Variants in USH1C observed in about 807,000 individuals in gnomAD.
USH1C encodes USH1 protein network component harmonin.
A neutral mutation model predicts 119.3 loss-of-function variants in USH1C; 90 were observed. That is an observed-to-expected ratio of 0.75 (90% CI 0.64 to 0.90). The LOEUF is 0.90. Among genes scored for constraint, USH1C ranks in the 40% least tolerant of loss-of-function variants. The pLI, the probability that USH1C is intolerant of heterozygous loss-of-function variation, is 0.00. For synonymous variants in USH1C, 465 were observed against 443.3 expected, an observed-to-expected ratio of 1.05 and a Z score of -0.62; for missense variants, 1,165 against 1,167.7, an observed-to-expected ratio of 1.00 and a Z score of 0.03.
chr11:17,505,558 T>C (rs1476767923), intron 19 of USH1C, among the ~76,000 whole-genome samples: 1 of 152,242 alleles, frequency 6.6e-6, no homozygotes, highest in African/African-American at 2.4e-5. Context: ...TGGTATATAG[T>C]AGGCTCTTCA....
chr11:17,535,027 C>G (rs893278643), intron 1 of USH1C, among the ~76,000 whole-genome samples: 1 of 152,184 alleles, frequency 6.6e-6, no homozygotes, highest in African/African-American at 2.4e-5. Context: ...CTCTCACCCC[C>G]TCTGCTCAGG....
At chr11:17,530,803 C>T (rs1233684866) in intron 4 of USH1C, among the ~76,000 whole-genome samples, 4 of 152,198 alleles carry the variant, frequency 2.6e-5, no homozygotes, top group African/African-American at 9.6e-5. Flanking sequence ...CTTTCTTTCC[C>T]CCTGCTGGTA....
chr11:17,510,350 G>A (rs1849832481), intron 17 of USH1C, 55 bp downstream of exon 17: 1 of 1,446,474 alleles, frequency 6.9e-7, no homozygotes, highest in Non-Finnish European at 9.7e-7. Context: ...TGTCCCCACA[G>A]TGGGTCATTC....
chr11:17,503,618 C>T (rs978928949), intron 20 of USH1C, among the ~76,000 whole-genome samples: 4 of 152,310 alleles, frequency 2.6e-5, no homozygotes, highest in African/African-American at 4.8e-5. Context: ...TGCCCTAAAC[C>T]GCCAGGTCCT....
chr11:17,522,679 G>A lies in USH1C; in HGVS notation c.1019+105C>T. 8 of 1,546,336 alleles carry A rather than the reference G, an allele frequency of 5.2e-6. No homozygotes were observed. The South Asian group carries it at 8.9e-5, about 17-fold the overall frequency. On this transcript the variant is annotated intron_variant, in intron 12 of 26. Coordinates refer to ENST00000005226, the MANE Select transcript of USH1C (RefSeq NM_153676.4). Reference sequence around the variant, plus strand: ...TGGTCTGAGGACTGGCCTCCAGGGAGGAGGAGGAAGTTGGCTGGGGACACA... The same window carrying A: ...TGGTCTGAGGACTGGCCTCCAGGGAAGAGGAGGAAGTTGGCTGGGGACACA...
intron 4 of USH1C, among the ~76,000 whole-genome samples, chr11:17,529,732 G>A (rs556944338): frequency 7.2e-5 from 11 of 152,336 alleles, no homozygotes; most frequent in South Asian, 2.1e-4. Flanking sequence ...GGGCCACGAT[G>A]ATATAACGAT....
chr11:17,496,210 G>A (rs1200802804), intron 25 of USH1C, among the ~76,000 whole-genome samples: 1 of 151,914 alleles, frequency 6.6e-6, no homozygotes, highest in Non-Finnish European at 1.5e-5. Context: ...GGGAGGAGGA[G>A]AGAAGACAGA....
At position 17,526,735 on chromosome 11, in the gene USH1C, A is replaced by G; in HGVS notation, c.579+18T>C. On this transcript the variant is annotated intron_variant, in intron 7 of 26. Coordinates refer to ENST00000005226, the MANE Select transcript of USH1C (RefSeq NM_153676.4). ...GATGACCCCACCCAAACCCCATCAC[A>G]GGAGGTCTGGCCCTTACCCCAGATT... is the stretch of plus-strand genomic sequence containing the variant. The G allele has an allele frequency of 6.2e-7, 1 of 1,613,480 alleles. No homozygotes were observed. The highest frequency in any genetic ancestry group is 8.5e-7 in the Non-Finnish European group (1 of 1,179,504).
In USH1C at chr11:17,510,457, A is replaced by C. The variant is rs1396273521; in HGVS notation, c.1478T>G (p.Leu493Arg). ...AATCTGCTCGAGGCGCGTTTGACAG[A>C]GCCTCTCCACCCAATATTGAATCTT... Reference protein sequence around the residue: ...SEKIQYWVERLCQTRLEQISS... With the variant: ...SEKIQYWVERRCQTRLEQISS... Residue 493 changes from leucine to arginine, a missense_variant, in exon 17 of 27, where the codon CTC (leucine) becomes CGC (arginine). Physicochemically the swap from Leu to Arg is moderately radical, Grantham distance 102. Transcript: ENST00000005226. 2 of 1,613,298 alleles carry C rather than the reference A, an allele frequency of 1.2e-6. No individual in the cohort carries two copies. The highest frequency in any genetic ancestry group is 2.2e-5 in the South Asian group (2 of 90,960).
chr11:17,501,105 TG>T lies in USH1C; in HGVS notation c.2325del (p.Ile776LeufsTer22). 6.2e-7 allele frequency: 1 copy of T among 1,613,950 alleles called. No homozygotes were observed. The highest frequency in any genetic ancestry group is 1.7e-5 in the Admixed American group (1 of 60,018). ...ACAGCAGAAACGACCACCTTCCCAA[TG>T]GGGGAGTCCACACCGCCTTCCAGGG... is the stretch of plus-strand genomic sequence containing the variant. The part of the protein sequence containing the change: ...DLALEGGVDS[P>X]IGKVVVSAVY... On this transcript the variant is annotated frameshift_variant, in exon 23 of 27. Coordinates refer to ENST00000005226, the MANE Select transcript of USH1C (RefSeq NM_153676.4). LOFTEE classifies it high-confidence loss of function.
chr11:17,510,628 G>T, intron 16 of USH1C, 107 bp from the exon 17 acceptor site: 1 of 859,562 alleles, frequency 1.2e-6, no homozygotes. Flanking sequence ...AGAGTACTGT[G>T]AGGTGCATCA....
intron 23 of USH1C, among the ~76,000 whole-genome samples, chr11:17,499,592 G>A (rs1159653055): frequency 5.3e-5 from 8 of 152,220 alleles, no homozygotes; most frequent in Non-Finnish European, 7.3e-5. Flanking sequence ...GTCACCAGGT[G>A]ACAGAGAAAT....
At chr11:17,503,626 C>T (rs556437133) in intron 20 of USH1C, among the ~76,000 whole-genome samples, 1 of 152,338 alleles carries the variant, frequency 6.6e-6, no homozygotes, top group East Asian at 1.9e-4. Flanking sequence ...ACCGCCAGGT[C>T]CTGGAAGGCC....
At chr11:17,514,034 G>A (rs562586012) in intron 15 of USH1C, among the ~76,000 whole-genome samples, 28 of 152,268 alleles carry the variant, frequency 1.8e-4, no homozygotes, top group Admixed American at 1.7e-3. Flanking sequence ...CCTGCCAGAC[G>A]GTGGGCTCCT....
chr11:17,501,734 T>G (rs921360182), intron 21 of USH1C, among the ~76,000 whole-genome samples, 199 bp from the exon 22 acceptor site: 1 of 152,066 alleles, frequency 6.6e-6, no homozygotes, highest in African/African-American at 2.4e-5. Context: ...CACACACACG[T>G]GCATGTGCAC....
intron 4 of USH1C, among the ~76,000 whole-genome samples, chr11:17,529,107 C>T (rs371276464): frequency 8.9e-5 from 13 of 145,700 alleles, no homozygotes; most frequent in East Asian, 4.1e-4. Context: ...TTCCCTGCAT[C>T]CTGCCCTCTC....
intron 25 of USH1C, 60 bp downstream of exon 25, chr11:17,496,698 G>A (rs1314642025): frequency 2.5e-6 from 4 of 1,603,242 alleles, no homozygotes; most frequent in Non-Finnish European, 3.4e-6. Flanking sequence ...CTGGAGAAAG[G>A]TGGCTGAGAT....
intron 4 of USH1C, 56 bp from the exon 5 acceptor site, chr11:17,527,387 G>T: frequency 7.4e-7 from 1 of 1,358,496 alleles, no homozygotes; most frequent in Non-Finnish European, 1.0e-6. Context: ...AGGCAGTGGG[G>T]CAGACTCACC....
intron 1 of USH1C, among the ~76,000 whole-genome samples, chr11:17,537,429 G>T (rs1851273021): frequency 6.6e-6 from 1 of 152,126 alleles, no homozygotes; most frequent in Admixed American, 6.5e-5. Context: ...ACCATGTCAT[G>T]CACACAAGCG....
Sources: gnomAD v4.1 joint callset for allele counts (sites outside exome capture counted in the v4.1 genomes callset) on GRCh38, gnomAD v4.1.1 for gene constraint, MANE v1.5 for transcripts, NCBI Gene and HGNC (gene_info 2026-07-23, HGNC 2026-07-21) for gene names.